Variants in SHTN1 observed in about 807,000 individuals in gnomAD.
SHTN1 encodes shootin-1.
A neutral mutation model predicts 83.1 loss-of-function variants in SHTN1; 42 were observed. That is an observed-to-expected ratio of 0.51 (90% CI 0.39 to 0.65). The LOEUF (loss-of-function observed/expected upper bound fraction) is 0.65, where lower values mean the gene tolerates loss of function less well. SHTN1 is among the 30% of genes least tolerant of loss of function. The pLI is 0.00. For missense variants in SHTN1, 622 were observed against 737.8 expected, an observed-to-expected ratio of 0.84 and a Z score of 1.82; for synonymous variants, 224 against 247.7, an observed-to-expected ratio of 0.90 and a Z score of 0.90.
intron 1 of SHTN1, among the ~76,000 whole-genome samples, chr10:117,105,455 G>C (rs1853657523): frequency 6.6e-6 from 1 of 152,172 alleles, no homozygotes; most frequent in Non-Finnish European, 1.5e-5. Flanking sequence ...TGTGTAAGAT[G>C]AAAGAACTGA....
chr10:117,042,321 C>T (rs900563709), intron 2 of SHTN1, among the ~76,000 whole-genome samples: 1 of 152,118 alleles, frequency 6.6e-6, no homozygotes, highest in Non-Finnish European at 1.5e-5. Flanking sequence ...TGTGGTGGAT[C>T]TCAAGTTATT....
At chr10:117,056,342 G>A (rs1190348886) in intron 1 of SHTN1, among the ~76,000 whole-genome samples, 1 of 152,156 alleles carries the variant, frequency 6.6e-6, no homozygotes, top group Non-Finnish European at 1.5e-5. Context: ...ATGAAGCAAT[G>A]TATAAAAAGA....
At chr10:117,006,299 G>A (rs2133551172), upstream of SHTN1, among the ~76,000 whole-genome samples, 1 of 151,456 alleles carries the variant, frequency 6.6e-6, no homozygotes, top group Non-Finnish European at 1.5e-5. Context: ...GGGCACAGTG[G>A]CTCACGCCTG....
chr10:116,969,552 T>G (rs1392279949), intron 2 of SHTN1, among the ~76,000 whole-genome samples: 1 of 152,048 alleles, frequency 6.6e-6, no homozygotes, highest in East Asian at 1.9e-4. Context: ...GGTACCAAAT[T>G]AAAAGAAGAG....
chr10:116,956,298 T>C (rs1028231284), intron 4 of SHTN1, among the ~76,000 whole-genome samples: 1 of 152,186 alleles, frequency 6.6e-6, no homozygotes, highest in East Asian at 1.9e-4. Flanking sequence ...GAATCATTGA[T>C]GTAAAGAAAC....
At chr10:116,998,177 T>C (rs1419377142) in intron 1 of SHTN1, among the ~76,000 whole-genome samples, 2 of 152,212 alleles carry the variant, frequency 1.3e-5, no homozygotes, top group Non-Finnish European at 2.9e-5. Flanking sequence ...GCATGGGAGA[T>C]TTGTCTTTAA....
chr10:116,939,990 C>T (rs1445249418), intron 9 of SHTN1, among the ~76,000 whole-genome samples: 2 of 152,208 alleles, frequency 1.3e-5, no homozygotes, highest in Admixed American at 6.5e-5. Flanking sequence ...TAAACATACA[C>T]ATTTGTGCAA....
At position 117,011,906 on chromosome 10, in the gene SHTN1, C is replaced by A. The variant is rs546844516; in HGVS notation, c.-122-32598G>T. Among the ~76,000 whole-genome samples, 33 of 151,950 alleles carry A rather than the reference C, an allele frequency of 2.2e-4. No homozygotes were observed. In the East Asian group the frequency reaches 6.0e-3, roughly 28 times the overall value. On this transcript the variant is annotated intron_variant, in intron 2 of 17. Transcript: ENST00000392901. ...CTGTAATCCCAGCACTTTGGGAGGC[C>A]GAGGAGGGCGGATCACGAAGTCAGG...
At chr10:116,990,256 TTCTTG>T (rs910297938) in intron 1 of SHTN1, among the ~76,000 whole-genome samples, 1 of 151,448 alleles carries the variant, frequency 6.6e-6, no homozygotes, top group Non-Finnish European at 1.5e-5. Flanking sequence ...GCCTTTGTTT[TTCTTG>T]TCTTTTTTCT....
At chr10:116,965,075 G>A (rs959430483) in intron 3 of SHTN1, among the ~76,000 whole-genome samples, 1 of 152,226 alleles carries the variant, frequency 6.6e-6, no homozygotes, top group African/African-American at 2.4e-5. Context: ...TTCTTTGTGT[G>A]TAGGAGGAAG....
In SHTN1 at chr10:116,901,464, CTGAT is replaced by C. The variant is rs1237857189; in HGVS notation, c.1673+297_1673+300del. The C allele has an allele frequency of 5.1e-6, 5 of 985,196 alleles. No homozygotes were observed. The East Asian group carries it at 5.7e-4, about 112-fold the overall frequency. 61.0% of individuals were successfully genotyped at this position (985,196 alleles called of 1,614,324 possible). On this transcript the variant is annotated intron_variant, in intron 16 of 16. Transcript: ENST00000355371. ...GATCGATGTATTTAATCTTGAAAGACTGATTGTCTCCTGACGCAGAGTCTGTATC... is the reference window on the plus strand; with the variant it reads ...GATCGATGTATTTAATCTTGAAAGACTGTCTCCTGACGCAGAGTCTGTATC...
At chr10:117,072,241 G>T (rs1853091381) in intron 1 of SHTN1, among the ~76,000 whole-genome samples, 2 of 152,172 alleles carry the variant, frequency 1.3e-5, no homozygotes, top group African/African-American at 4.8e-5. Context: ...ACTTGGACTG[G>T]CTTTCCTTGC....
chr10:117,058,434 T>G (rs932467109), intron 1 of SHTN1, among the ~76,000 whole-genome samples: 11 of 152,128 alleles, frequency 7.2e-5, no homozygotes, highest in Non-Finnish European at 1.0e-4. Context: ...ATAGGCAATA[T>G]CACTAATCAT....
At chr10:117,059,948 C>T (rs1233993883) in intron 1 of SHTN1, among the ~76,000 whole-genome samples, 5 of 152,274 alleles carry the variant, frequency 3.3e-5, no homozygotes, top group East Asian at 1.9e-4. Context: ...TGATGGCCGA[C>T]GCCTGTAATC....
chr10:117,075,051 A>G (rs1853132945), intron 1 of SHTN1, among the ~76,000 whole-genome samples: 1 of 152,210 alleles, frequency 6.6e-6, no homozygotes, highest in South Asian at 2.1e-4. Flanking sequence ...AGATATAAAT[A>G]ACTGAATTTT....
At chr10:117,110,177 A>T (rs1356724219) in intron 1 of SHTN1, among the ~76,000 whole-genome samples, 3 of 152,214 alleles carry the variant, frequency 2.0e-5, no homozygotes, top group African/African-American at 7.2e-5. Context: ...TCAGCACTGA[A>T]GCTGTCCAAG....
At chr10:116,890,923 G>A (rs1847324271) in intron 16 of SHTN1, among the ~76,000 whole-genome samples, 1 of 152,226 alleles carries the variant, frequency 6.6e-6, no homozygotes, top group African/African-American at 2.4e-5. Context: ...GACATCGTTT[G>A]CATTCAATGA....
chr10:117,025,895 C>A (rs11596322), intron 2 of SHTN1, among the ~76,000 whole-genome samples: 1 of 152,176 alleles, frequency 6.6e-6, no homozygotes, highest in East Asian at 1.9e-4. Context: ...GCCCTTGGGC[C>A]TGAATAACCA....
At chr10:116,965,114 A>C (rs563763152) in intron 3 of SHTN1, among the ~76,000 whole-genome samples, 1 of 152,360 alleles carries the variant, frequency 6.6e-6, no homozygotes, top group Non-Finnish European at 1.5e-5. Context: ...AGGATCAAAA[A>C]TGACATGGAC....
Sources: gnomAD v4.1 joint callset for allele counts (sites outside exome capture counted in the v4.1 genomes callset) on GRCh38, gnomAD v4.1.1 for gene constraint, MANE v1.5 for transcripts, NCBI Gene and HGNC (gene_info 2026-07-23, HGNC 2026-07-21) for gene names.